PIGL: variants seen among roughly 807,000 people sequenced by gnomAD.
PIGL encodes N-acetylglucosaminyl-phosphatidylinositol de-N-acetylase.
Under a neutral mutation model 31.1 loss-of-function variants are expected in PIGL, and 22 were observed. The ratio of observed to expected loss-of-function variants is 0.71; its 90% CI spans 0.51 to 1.01. PIGL has a LOEUF of 1.01. PIGL is among the 50% of genes least tolerant of loss of function. The probability of loss-of-function intolerance (pLI) is 0.00; values close to 1 mark genes in which losing one functional copy is unlikely to be tolerated. For synonymous variants in PIGL, 131 were observed against 117.4 expected (o/e 1.12, Z -0.75); for missense variants, 302 against 315.9 (o/e 0.96, Z 0.33).
chr17:16,307,743 G>A (rs528050325), intron 3 of PIGL, among the ~76,000 whole-genome samples: 4 of 152,178 alleles, frequency 2.6e-5, no homozygotes, highest in African/African-American at 7.2e-5. Context: ...GAAGTAGGAG[G>A]ATCGCTTGAC....
At chr17:16,316,804 C>T (rs761903758) in intron 5 of PIGL, 92 bp downstream of exon 5, 14 of 1,576,652 alleles carry the variant, frequency 8.9e-6, no homozygotes, top group East Asian at 2.3e-5. Context: ...GAGAGCTGCC[C>T]TCAGCCGAGC....
At chr17:16,266,675 A>C (rs2092844748) in intron 2 of PIGL, among the ~76,000 whole-genome samples, 1 of 151,646 alleles carries the variant, frequency 6.6e-6, no homozygotes, top group Non-Finnish European at 1.5e-5. Context: ...GGCTCACTGC[A>C]AGCTCCGCGT....
chr17:16,244,433 C>T lies in PIGL; in HGVS notation c.335+10363C>T, dbSNP rs186098098. Among the ~76,000 whole-genome samples, 213 of 152,284 alleles carry T rather than the reference C, an allele frequency of 1.4e-3. 1 individual carries two copies. Among genetic ancestry groups the T allele is most frequent in the African/African-American group, 4.6e-3 (192 of 41,568 alleles). ...AGTCATAATTTTGCAAAGGCAATTT[C>T]AATATTAGTAATCGTGTTTTTTCTC... On this transcript the variant is annotated intron_variant, in intron 2 of 6. Coordinates refer to ENST00000225609, the MANE Select transcript of PIGL (RefSeq NM_004278.4).
intron 2 of PIGL, among the ~76,000 whole-genome samples, chr17:16,267,449 T>C (rs2092849326): frequency 6.6e-6 from 1 of 151,994 alleles, no homozygotes; most frequent in African/African-American, 2.4e-5. Flanking sequence ...TGAAAAAATA[T>C]CTTTGTATAA....
At chr17:16,286,121 G>A (rs1401262628) in intron 2 of PIGL, among the ~76,000 whole-genome samples, 2 of 152,238 alleles carry the variant, frequency 1.3e-5, no homozygotes, top group African/African-American at 4.8e-5. Flanking sequence ...GGCCAGAGGT[G>A]GGTGGAGGGG....
At position 16,316,887 on chromosome 17, in the gene PIGL, A is replaced by C. The variant is rs976563633; in HGVS notation, c.526+175A>C. On this transcript the variant is annotated intron_variant, in intron 5 of 6. Coordinates refer to ENST00000225609, the MANE Select transcript of PIGL (RefSeq NM_004278.4). ...AGGTACCTGGCAGGTTGTATCTACC[A>C]GCAAGTGCCTGCCTGCAGGGCCACC... 4.3e-6 allele frequency: 6 copies of C among 1,388,760 alleles called. No homozygotes were observed. In the African/African-American group the frequency reaches 8.5e-5, roughly 20 times the overall value. 86.0% of individuals were successfully genotyped at this position (1,388,760 alleles called of 1,614,324 possible).
At chr17:16,306,908 T>G (rs2093028740) in intron 3 of PIGL, among the ~76,000 whole-genome samples, 1 of 152,016 alleles carries the variant, frequency 6.6e-6, no homozygotes, top group African/African-American at 2.4e-5. Flanking sequence ...GTAGGGGAGA[T>G]GGAAACACCT....
intron 2 of PIGL, among the ~76,000 whole-genome samples, chr17:16,293,779 C>T (rs1184273607): frequency 2.0e-5 from 3 of 152,186 alleles, no homozygotes; most frequent in Non-Finnish European, 4.4e-5. Context: ...GAATAAGGCA[C>T]AGGCCTAGTC....
chr17:16,237,525 G>T lies in PIGL; in HGVS notation c.335+3455G>T, dbSNP rs118113143. On this transcript the variant is annotated intron_variant, in intron 2 of 6. Transcript: ENST00000225609. ...TATTTACAATGGAATCTCTGGTTGG[G>T]TGTGGTGGCTCCTACCTGTAATCCA... is the stretch of plus-strand genomic sequence containing the variant. Among the ~76,000 whole-genome samples, 85 of 151,996 alleles carry T rather than the reference G, an allele frequency of 5.6e-4. No individual in the cohort carries two copies. In the East Asian group the frequency reaches 0.016, roughly 28 times the overall value.
chr17:16,290,064 C>T (rs1312929216), intron 2 of PIGL, among the ~76,000 whole-genome samples: 1 of 151,900 alleles, frequency 6.6e-6, no homozygotes, highest in African/African-American at 2.4e-5. Context: ...GTGTGAGCTA[C>T]AGCACCCGGC....
At chr17:16,300,057 T>A in intron 3 of PIGL, 79 bp downstream of exon 3, 2 of 1,090,236 alleles carry the variant, frequency 1.8e-6, no homozygotes, top group Non-Finnish European at 2.8e-6. Context: ...ATTTTTTCTG[T>A]GGCCACCCTC....
At chr17:16,224,464 G>A (rs147566017) in intron 1 of PIGL, among the ~76,000 whole-genome samples, 1,687 of 151,440 alleles carry the variant, frequency 0.011, 36 homozygotes, top group African/African-American at 0.038. Context: ...GCACCACCAC[G>A]CCCAGCTAAT....
At chr17:16,259,014 T>C (rs1189782431) in intron 2 of PIGL, among the ~76,000 whole-genome samples, 1 of 152,228 alleles carries the variant, frequency 6.6e-6, no homozygotes, top group Non-Finnish European at 1.5e-5. Flanking sequence ...AAAAAACAAT[T>C]TCTAGTCATT....
chr17:16,289,830 G>A (rs954105485), intron 2 of PIGL, among the ~76,000 whole-genome samples: 4 of 152,158 alleles, frequency 2.6e-5, no homozygotes, highest in African/African-American at 9.7e-5. Context: ...AGGCTGGAGT[G>A]CAGTGGCACG....
At chr17:16,247,481 T>C (rs1285050360) in intron 2 of PIGL, among the ~76,000 whole-genome samples, 1 of 152,208 alleles carries the variant, frequency 6.6e-6, no homozygotes, top group East Asian at 1.9e-4. Flanking sequence ...GATATTTTCA[T>C]TCCAAAAGGG....
intron 2 of PIGL, among the ~76,000 whole-genome samples, chr17:16,263,689 A>T (rs1267988095): frequency 2.7e-5 from 4 of 149,772 alleles, no homozygotes; most frequent in Non-Finnish European, 5.9e-5. Flanking sequence ...CGCCCAGCTA[A>T]TTTTTGTATT....
chr17:16,285,630 G>T (rs77347259), intron 2 of PIGL, among the ~76,000 whole-genome samples: 1 of 152,070 alleles, frequency 6.6e-6, no homozygotes. Context: ...TGTGGAAAAG[G>T]CTCTCTTAGG....
chr17:16,296,045 T>C (rs1444088619), intron 2 of PIGL, among the ~76,000 whole-genome samples: 1 of 152,228 alleles, frequency 6.6e-6, no homozygotes, highest in Non-Finnish European at 1.5e-5. Flanking sequence ...ACTCCCCTAA[T>C]GGCAAGAAAC....
At chr17:16,268,651 T>C (rs1435044152) in intron 2 of PIGL, among the ~76,000 whole-genome samples, 1 of 151,496 alleles carries the variant, frequency 6.6e-6, no homozygotes. Context: ...GGTTTCACCA[T>C]GTTGGCCAGG....
Sources: allele counts gnomAD v4.1 joint callset (sites outside exome capture counted in the v4.1 genomes callset), GRCh38; gene constraint gnomAD v4.1.1; transcripts MANE v1.5; gene names NCBI Gene and HGNC (gene_info 2026-07-23, HGNC 2026-07-21).